The following TRIM2 variants were observed in gnomAD, a reference collection of about 807,000 sequenced individuals.
TRIM2 encodes the protein tripartite motif-containing protein 2.
Under a neutral mutation model 75.2 loss-of-function variants are expected in TRIM2, and 20 were observed. The ratio of observed to expected loss-of-function variants is 0.27; its 90% CI spans 0.19 to 0.39. The LOEUF is 0.39. Among genes scored for constraint, TRIM2 ranks in the 10% least tolerant of loss-of-function variants. The pLI is 1.00. For missense variants in TRIM2, 660 were observed against 990.8 expected, an observed-to-expected ratio of 0.67 and a Z score of 4.48; for synonymous variants, 373 against 388.3, an observed-to-expected ratio of 0.96 and a Z score of 0.46.
chr4:153,294,269 G>A (rs765179864), intron 4 of TRIM2, 36 bp from the exon 5 acceptor site: 6 of 1,600,466 alleles, frequency 3.7e-6, no homozygotes, highest in Admixed American at 1.7e-5. Context: ...TTTCTGGGTT[G>A]AGGTTAAATA....
upstream of TRIM2, among the ~76,000 whole-genome samples, chr4:153,200,724 A>AAAT (rs1405991305): frequency 8.9e-4 from 123 of 138,124 alleles, 1 homozygote; most frequent in East Asian, 1.0e-3. Context: ...AAGAAAAAAA[A>AAAT]ATATATATAT....
At chr4:153,244,293 TCCTCCTCCTCC>T (rs1747838968) in intron 1 of TRIM2, among the ~76,000 whole-genome samples, 1 of 35,218 alleles carries the variant, frequency 2.8e-5, no homozygotes, top group Non-Finnish European at 4.7e-5. Flanking sequence ...CTCCTCCTCC[TCCTCCTCCTCC>T]TCCTCCTCCT....
intron 1 of TRIM2, among the ~76,000 whole-genome samples, chr4:153,232,238 C>T (rs1002823065): frequency 1.3e-5 from 2 of 152,118 alleles, no homozygotes; most frequent in African/African-American, 2.4e-5. Flanking sequence ...AGTAGCCAGG[C>T]GAGGTGGCTG....
chr4:153,279,055 A>G (rs549759523), intron 3 of TRIM2, among the ~76,000 whole-genome samples: 3 of 152,304 alleles, frequency 2.0e-5, no homozygotes, highest in African/African-American at 7.2e-5. Flanking sequence ...TGAACAGGAG[A>G]TAGGTATTTT....
intron 1 of TRIM2, among the ~76,000 whole-genome samples, chr4:153,264,116 A>G (rs968744743): frequency 1.2e-4 from 19 of 152,206 alleles, no homozygotes; most frequent in Admixed American, 8.5e-4. Context: ...GAATGGTCAG[A>G]TTGAGCAGGT....
At chr4:153,276,162 G>T in intron 3 of TRIM2, 32 bp downstream of exon 3, 1 of 1,575,928 alleles carries the variant, frequency 6.3e-7, no homozygotes, top group South Asian at 1.1e-5. Context: ...TACTGCCCGG[G>T]AGCATGACTA....
intron 6 of TRIM2, among the ~76,000 whole-genome samples, chr4:153,314,458 G>A (rs1467826728): frequency 6.6e-6 from 1 of 150,416 alleles, no homozygotes; most frequent in Admixed American, 6.6e-5. Context: ...GTCTAGTATG[G>A]CCAGGTGTGG....
chr4:153,168,185 G>A (rs376260350), intron 1 of TRIM2, among the ~76,000 whole-genome samples: 1 of 151,674 alleles, frequency 6.6e-6, no homozygotes, highest in Non-Finnish European at 1.5e-5. Context: ...TAAATAAATT[G>A]TGCTACATTC....
At chr4:153,312,866 TTG>T (rs1471832506) in intron 6 of TRIM2, among the ~76,000 whole-genome samples, 1 of 152,160 alleles carries the variant, frequency 6.6e-6, no homozygotes, top group Admixed American at 6.5e-5. Context: ...CATTTTAGAA[TTG>T]TTTCTGTTTC....
chr4:153,270,299 T>TTA (rs762596349), intron 1 of TRIM2, 36 bp from the exon 2 acceptor site: 1 of 1,590,440 alleles, frequency 6.3e-7, no homozygotes, highest in South Asian at 1.2e-5. Context: ...CTACAGATCA[T>TTA]TATATGTTTT....
chr4:153,228,484 G>A lies in TRIM2; in HGVS notation c.30+23924G>A, dbSNP rs771995603. On this transcript the variant is annotated intron_variant, in intron 1 of 11. Coordinates refer to ENST00000338700, the MANE Select transcript of TRIM2 (RefSeq NM_015271.5). ...GAGGGTATTCTGGATGTTCGGATCT[G>A]GGTTGCTGCAGAAAACAAATGGCAA... Among the ~76,000 whole-genome samples, 6 of 152,198 alleles carry A rather than the reference G, an allele frequency of 3.9e-5. No individual in the cohort carries two copies. In the East Asian group the frequency reaches 9.6e-4, roughly 24 times the overall value.
intron 3 of TRIM2, 96 bp from the exon 4 acceptor site, chr4:153,292,886 C>T (rs1455463465): frequency 8.3e-7 from 1 of 1,206,506 alleles, no homozygotes; most frequent in East Asian, 2.8e-5. Flanking sequence ...GGGTGGCTCT[C>T]ATTTAATTAT....
At chr4:153,158,377 A>T (rs754938017) in intron 1 of TRIM2, among the ~76,000 whole-genome samples, 1 of 152,266 alleles carries the variant, frequency 6.6e-6, no homozygotes, top group African/African-American at 2.4e-5. Flanking sequence ...AAACAATTTC[A>T]TTGGAAATTT....
intron 1 of TRIM2, among the ~76,000 whole-genome samples, chr4:153,168,084 T>G (rs1209487451): frequency 6.6e-6 from 1 of 152,126 alleles, no homozygotes; most frequent in Non-Finnish European, 1.5e-5. Context: ...TAAGTAAACA[T>G]TTTAAATAGG....
chr4:153,163,999 T>C (rs1730029955), intron 1 of TRIM2, among the ~76,000 whole-genome samples: 1 of 152,202 alleles, frequency 6.6e-6, no homozygotes, highest in Non-Finnish European at 1.5e-5. Flanking sequence ...CTGCACAGAT[T>C]TCTTACTGTG....
chr4:153,209,507 T>C (rs1736371843), intron 1 of TRIM2, among the ~76,000 whole-genome samples: 1 of 152,200 alleles, frequency 6.6e-6, no homozygotes, highest in Admixed American at 6.5e-5. Flanking sequence ...CATTTCCTGA[T>C]ATATAGGTCT....
intron 1 of TRIM2, among the ~76,000 whole-genome samples, chr4:153,192,081 G>A (rs934904882): frequency 6.6e-6 from 1 of 151,940 alleles, no homozygotes; most frequent in Non-Finnish European, 1.5e-5. Flanking sequence ...AGATCTAATT[G>A]GTCAGTCTTT....
intron 6 of TRIM2, chr4:153,307,849 C>T: frequency 1.4e-6 from 1 of 735,894 alleles, no homozygotes; most frequent in Non-Finnish European, 2.5e-6. Context: ...CTCTTGAATT[C>T]AGACCTAATT....
chr4:153,273,936 C>CTA (rs571185053), intron 2 of TRIM2, among the ~76,000 whole-genome samples: 328 of 152,268 alleles, frequency 2.2e-3, no homozygotes, highest in South Asian at 9.3e-3. Flanking sequence ...TGGGAGGTTG[C>CTA]TATAGTGAGT....
Sources: allele counts gnomAD v4.1 joint callset (sites outside exome capture counted in the v4.1 genomes callset), GRCh38; gene constraint gnomAD v4.1.1; transcripts MANE v1.5; gene names NCBI Gene and HGNC (gene_info 2026-07-23, HGNC 2026-07-21).